Variants in SNX14 observed in about 807,000 individuals in gnomAD.
SNX14 encodes sorting nexin-14.
SNX14 carries 93 observed loss-of-function variants against 133.8 expected under a neutral mutation model. That is an observed-to-expected ratio of 0.70 (90% confidence interval 0.59 to 0.83). The LOEUF (loss-of-function observed/expected upper bound fraction) is 0.83, where lower values mean the gene tolerates loss of function less well. SNX14 is among the 40% of genes least tolerant of loss of function. The pLI is 0.00. For missense variants in SNX14, 945 were observed against 1,094.9 expected (o/e 0.86, Z 1.93); for synonymous variants, 368 against 365.6 (o/e 1.01, Z -0.07).
At chr6:85,512,823 G>C (rs561318629) in intron 26 of SNX14, among the ~76,000 whole-genome samples, 24 of 152,188 alleles carry the variant, frequency 1.6e-4, no homozygotes, top group Admixed American at 4.6e-4. Flanking sequence ...CCAACCTTGG[G>C]GGGCAGTGGC....
intron 1 of SNX14, among the ~76,000 whole-genome samples, chr6:85,586,136 T>C (rs1448186288): frequency 6.6e-6 from 1 of 152,086 alleles, no homozygotes; most frequent in Non-Finnish European, 1.5e-5. Context: ...TCCAGTTTCC[T>C]CAACAAGTCA....
In SNX14 at chr6:85,572,303, T is replaced by A; in HGVS notation, c.333A>T (p.Arg111=). 6.2e-7 allele frequency: 1 copy of A among 1,613,336 alleles called. No individual in the cohort carries two copies. Among genetic ancestry groups the A allele is most frequent in the Non-Finnish European group, 8.5e-7 (1 of 1,179,536 alleles). Residue 111 remains arginine (R), a synonymous_variant, in exon 3 of 29, where the codon CGA becomes CGT. Coordinates refer to ENST00000314673, the MANE Select transcript of SNX14 (RefSeq NM_153816.6). ...CAVCGKVKCK[R]HRPSLLLENY... is the part of the protein sequence containing the mutation. ...TAAAAAAATATTTAACTTACCTATG[T>A]CGTTTACATTTCACTTTACCACAAA...
rs111492598 is a variant in SNX14, at chr6:85,574,337, C to G, written c.182G>C (p.Gly61Ala). The change falls in exon 2 of 29, where the codon GGA becomes GCA. Residue 61 changes from glycine to alanine, a missense_variant. Physicochemically the swap from Gly to Ala is moderately conservative, Grantham distance 60 (BLOSUM62 0). Coordinates refer to ENST00000314673, the MANE Select transcript of SNX14 (RefSeq NM_153816.6). Reference protein sequence around the residue: ...ILMIFWSFVAGVVTFYCSLGP... With the variant: ...ILMIFWSFVAAVVTFYCSLGP... ...TAGTGAGCAGTAGAATGTGACAACT[C>G]CAGCAACAAATGACCAGAAGATCAT... is the stretch of plus-strand genomic sequence containing the variant. 1 of 1,577,352 alleles carries G rather than the reference C, an allele frequency of 6.3e-7. No homozygotes were observed. Among genetic ancestry groups the G allele is most frequent in the Non-Finnish European group, 8.7e-7 (1 of 1,149,402 alleles).
intron 23 of SNX14, 125 bp from the exon 24 acceptor site, chr6:85,514,754 G>T (rs917372532): frequency 1.1e-6 from 1 of 903,160 alleles, no homozygotes. Flanking sequence ...CAGAATATTA[G>T]ATAGGTTAAT....
intron 7 of SNX14, among the ~76,000 whole-genome samples, chr6:85,552,282 C>T (rs1053748592): frequency 3.3e-5 from 5 of 151,974 alleles, no homozygotes; most frequent in Non-Finnish European, 7.4e-5. Flanking sequence ...GTGATCCGCC[C>T]GCCTCGGCCT....
chr6:85,522,348 G>A (rs374035157), intron 21 of SNX14, among the ~76,000 whole-genome samples: 1 of 152,234 alleles, frequency 6.6e-6, no homozygotes, highest in African/African-American at 2.4e-5. Flanking sequence ...TCTAAAGTGT[G>A]TTACCTACTT....
intron 14 of SNX14, 127 bp from the exon 15 acceptor site, chr6:85,542,170 C>G: frequency 5.4e-6 from 3 of 557,528 alleles, no homozygotes; most frequent in Non-Finnish European, 9.1e-6. Flanking sequence ...TGAATACAGA[C>G]ATGGTCAACT....
intron 1 of SNX14, among the ~76,000 whole-genome samples, chr6:85,582,135 C>T (rs560583994): frequency 9.2e-5 from 14 of 152,192 alleles, no homozygotes; most frequent in South Asian, 4.2e-4. Context: ...GGAGCTCCAA[C>T]GCATCTGGCA....
At chr6:85,573,834 T>C (rs1796438468) in intron 2 of SNX14, among the ~76,000 whole-genome samples, 1 of 152,210 alleles carries the variant, frequency 6.6e-6, no homozygotes, top group South Asian at 2.1e-4. Flanking sequence ...GGAGATTTAC[T>C]GTACAACCAG....
At chr6:85,530,415 TG>T in intron 18 of SNX14, 140 bp from the exon 19 acceptor site, 1 of 483,488 alleles carries the variant, frequency 2.1e-6, no homozygotes. Flanking sequence ...GAGGCCAAGG[TG>T]GGTGGATCAT....
intron 1 of SNX14, among the ~76,000 whole-genome samples, chr6:85,579,287 T>C (rs1398081993): frequency 6.6e-6 from 1 of 151,882 alleles, no homozygotes; most frequent in Non-Finnish European, 1.5e-5. Flanking sequence ...CAGAGATAAC[T>C]GAAATGACAG....
At chr6:85,588,301 C>G (rs997298441) in intron 1 of SNX14, among the ~76,000 whole-genome samples, 2 of 151,728 alleles carry the variant, frequency 1.3e-5, no homozygotes, top group African/African-American at 4.8e-5. Flanking sequence ...AGGCCAGGCT[C>G]GGTGGCTCAC....
chr6:85,517,687 G>A (rs1184968645), intron 23 of SNX14, 69 bp downstream of exon 23: 49 of 1,492,462 alleles, frequency 3.3e-5, no homozygotes, highest in East Asian at 4.7e-5. Flanking sequence ...TCATTCTCTC[G>A]ACAATGAAAA....
At chr6:85,524,871 T>G (rs1309856384) in intron 21 of SNX14, among the ~76,000 whole-genome samples, 1 of 151,956 alleles carries the variant, frequency 6.6e-6, no homozygotes, top group Admixed American at 6.6e-5. Context: ...AATGGAGGCA[T>G]GCCAGGGGTT....
intron 26 of SNX14, among the ~76,000 whole-genome samples, chr6:85,509,255 G>A (rs2127759335): frequency 6.6e-6 from 1 of 152,192 alleles, no homozygotes; most frequent in East Asian, 1.9e-4. Context: ...TATATTCTCT[G>A]GCTCTCCATG....
chr6:85,508,799 T>C (rs554680219), intron 26 of SNX14, among the ~76,000 whole-genome samples: 1 of 152,222 alleles, frequency 6.6e-6, no homozygotes, highest in East Asian at 1.9e-4. Flanking sequence ...CTTATTAAGA[T>C]CTCCACTGAA....
intron 7 of SNX14, among the ~76,000 whole-genome samples, chr6:85,551,135 T>C (rs1327395276): frequency 6.6e-6 from 1 of 152,132 alleles, no homozygotes; most frequent in East Asian, 1.9e-4. Flanking sequence ...TTAAAGCACG[T>C]ACACTATCAA....
At chr6:85,541,525 A>C (rs1048630015) in intron 15 of SNX14, among the ~76,000 whole-genome samples, 1 of 152,208 alleles carries the variant, frequency 6.6e-6, no homozygotes, top group African/African-American at 2.4e-5. Flanking sequence ...TAAATGGATA[A>C]AGATTTTCTC....
chr6:85,549,619 A>G (rs954406449), intron 8 of SNX14, 104 bp downstream of exon 8: 1 of 917,224 alleles, frequency 1.1e-6, no homozygotes, highest in East Asian at 3.1e-5. Flanking sequence ...AAAGCTATTC[A>G]TAGGCTAACC....
Sources: gnomAD v4.1 joint callset for allele counts (sites outside exome capture counted in the v4.1 genomes callset) on GRCh38, gnomAD v4.1.1 for gene constraint, MANE v1.5 for transcripts, NCBI Gene and HGNC (gene_info 2026-07-23, HGNC 2026-07-21) for gene names.